NXPE2: variants seen among roughly 807,000 people sequenced by gnomAD.
NXPE2 encodes neurexophilin and PC-esterase domain family member 2.
In NXPE2, 34 loss-of-function variants were observed where a neutral mutation model predicts 34.4. The ratio of observed to expected loss-of-function variants is 0.99; its 90% CI spans 0.75 to 1.31. The LOEUF (loss-of-function observed/expected upper bound fraction) is 1.31. NXPE2 is among the 40% of genes most tolerant of loss of function. NXPE2 has a pLI of 0.00. For synonymous variants in NXPE2, 235 were observed against 231.3 expected (o/e 1.02, Z -0.15); for missense variants, 649 against 672.5 (o/e 0.97, Z 0.39).
At chr11:114,575,430 A>G in the NXPE2 span, among the ~76,000 whole-genome samples, 1 of 152,084 alleles carries the variant, frequency 6.6e-6, no homozygotes, top group Admixed American at 6.6e-5. Flanking sequence ...ATGATAGTAT[A>G]CCTAGAAAAC....
the NXPE2 span, among the ~76,000 whole-genome samples, chr11:114,550,525 A>G: frequency 6.6e-6 from 1 of 152,178 alleles, no homozygotes; most frequent in African/African-American, 2.4e-5. Context: ...AGTCATATGG[A>G]AAAAGTTAAA....
chr11:114,509,623 A>T, the NXPE2 span, among the ~76,000 whole-genome samples: 3 of 152,326 alleles, frequency 2.0e-5, no homozygotes, highest in East Asian at 3.9e-4. Flanking sequence ...TTTTGCAGGG[A>T]CTTGGATAGA....
At chr11:114,490,152 A>T in the NXPE2 span, among the ~76,000 whole-genome samples, 4 of 152,354 alleles carry the variant, frequency 2.6e-5, no homozygotes, top group Admixed American at 6.5e-5. Context: ...CTTACAAGGG[A>T]CGTGAAGGAC....
the NXPE2 span, among the ~76,000 whole-genome samples, chr11:114,672,802 A>T: frequency 2.0e-5 from 3 of 151,868 alleles, no homozygotes; most frequent in Admixed American, 2.0e-4. Context: ...TAGACCTAAC[A>T]TATATAAACG....
the NXPE2 span, among the ~76,000 whole-genome samples, chr11:114,806,424 G>A: frequency 2.5e-5 from 3 of 119,154 alleles, no homozygotes; most frequent in African/African-American, 9.4e-5. Flanking sequence ...TCGAACCAAT[G>A]GCAAAGAAGT....
chr11:114,634,974 A>G, the NXPE2 span, among the ~76,000 whole-genome samples: 2 of 151,990 alleles, frequency 1.3e-5, no homozygotes, highest in East Asian at 1.9e-4. Context: ...TATGAACTTT[A>G]AAGTAGTTTT....
chr11:114,690,389 C>A (rs1338009518), intron 2 of NXPE2, among the ~76,000 whole-genome samples: 1 of 152,124 alleles, frequency 6.6e-6, no homozygotes, highest in African/African-American at 2.4e-5. Flanking sequence ...TCTTGGCTAG[C>A]ATTTCTTTTC....
chr11:114,602,385 G>A, the NXPE2 span, among the ~76,000 whole-genome samples: 2 of 123,498 alleles, frequency 1.6e-5, no homozygotes, highest in African/African-American at 6.1e-5. Flanking sequence ...TATATATTAT[G>A]CTATATATTA....
At chr11:114,748,355 A>G in the NXPE2 span, among the ~76,000 whole-genome samples, 3 of 152,212 alleles carry the variant, frequency 2.0e-5, no homozygotes, top group Non-Finnish European at 2.9e-5. Flanking sequence ...ACATCAAGAA[A>G]TTAACATTGA....
the NXPE2 span, chr11:114,594,647 A>T: frequency 6.5e-7 from 1 of 1,529,320 alleles, no homozygotes; most frequent in Non-Finnish European, 9.0e-7. Flanking sequence ...AAACCACATA[A>T]ATAAAGCATT....
chr11:114,782,321 G>T, the NXPE2 span, among the ~76,000 whole-genome samples: 1 of 152,176 alleles, frequency 6.6e-6, no homozygotes, highest in Non-Finnish European at 1.5e-5. Flanking sequence ...TTTCTGTCTT[G>T]GCAATGAATC....
At chr11:114,789,513 C>T in the NXPE2 span, among the ~76,000 whole-genome samples, 8 of 152,164 alleles carry the variant, frequency 5.3e-5, no homozygotes, top group African/African-American at 1.9e-4. Context: ...CAGCTTTGTA[C>T]CAGGCACTTT....
the NXPE2 span, among the ~76,000 whole-genome samples, chr11:114,784,015 G>C: frequency 6.6e-6 from 1 of 152,184 alleles, no homozygotes; most frequent in Non-Finnish European, 1.5e-5. Flanking sequence ...AAGTGTGCCA[G>C]GCATGTTCTA....
the NXPE2 span, among the ~76,000 whole-genome samples, chr11:114,555,027 C>T: frequency 1.3e-5 from 2 of 151,702 alleles, no homozygotes; most frequent in African/African-American, 2.4e-5. Context: ...TAAGTCATTG[C>T]ATCTTGGGAG....
At chr11:114,700,370 T>C (rs1168092781) in intron 3 of NXPE2, among the ~76,000 whole-genome samples, 1 of 152,206 alleles carries the variant, frequency 6.6e-6, no homozygotes, top group Non-Finnish European at 1.5e-5. Context: ...GTAAGGCTTG[T>C]CTTGAGCAGC....
At chr11:114,598,890 G>C in the NXPE2 span, among the ~76,000 whole-genome samples, 3 of 152,158 alleles carry the variant, frequency 2.0e-5, no homozygotes, top group African/African-American at 7.2e-5. Context: ...AGCTACCAAG[G>C]CTTATGGCTT....
At chr11:114,636,653 G>C in the NXPE2 span, among the ~76,000 whole-genome samples, 2 of 151,940 alleles carry the variant, frequency 1.3e-5, no homozygotes, top group Non-Finnish European at 2.9e-5. Flanking sequence ...AGAGATTCTG[G>C]TACGTTGTGT....
At chr11:114,534,355 G>T in the NXPE2 span, among the ~76,000 whole-genome samples, 1 of 152,086 alleles carries the variant, frequency 6.6e-6, no homozygotes, top group Non-Finnish European at 1.5e-5. Context: ...CAGAAAAACC[G>T]GAAACTCTAA....
chr11:114,612,573 C>T, the NXPE2 span, among the ~76,000 whole-genome samples: 2 of 151,976 alleles, frequency 1.3e-5, no homozygotes, highest in Non-Finnish European at 2.9e-5. Context: ...ACCACTGTTA[C>T]CCAATGGATA....
Sources: allele counts gnomAD v4.1 joint callset (sites outside exome capture counted in the v4.1 genomes callset), GRCh38; gene constraint gnomAD v4.1.1; transcripts MANE v1.5; gene names NCBI Gene and HGNC (gene_info 2026-07-23, HGNC 2026-07-21).